SGCZ: variants seen among roughly 807,000 people sequenced by gnomAD.
SGCZ encodes the protein sarcoglycan zeta.
SGCZ carries 40 observed loss-of-function variants against 41.3 expected under a neutral mutation model. That is an observed-to-expected ratio of 0.97 (90% confidence interval 0.75 to 1.26). The LOEUF is 1.26. SGCZ is among the 50% of genes most tolerant of loss of function. The pLI is 0.00. For missense variants in SGCZ, 552 were observed against 369.8 expected, an observed-to-expected ratio of 1.49 and a Z score of -4.04; for synonymous variants, 206 against 137.5, an observed-to-expected ratio of 1.50 and a Z score of -3.49.
chr8:14,534,284 A>T (rs1803227686), intron 2 of SGCZ, among the ~76,000 whole-genome samples: 1 of 151,982 alleles, frequency 6.6e-6, no homozygotes, highest in Non-Finnish European at 1.5e-5. Context: ...AGAAGGGCTC[A>T]TTGGTGTTCA....
At chr8:14,231,181 G>GTC (rs1002483657) in intron 4 of SGCZ, among the ~76,000 whole-genome samples, 1 of 150,534 alleles carries the variant, frequency 6.6e-6, no homozygotes, top group East Asian at 2.0e-4. Flanking sequence ...GTGTGTGTGT[G>GTC]TGTGTGTGTG....
intron 1 of SGCZ, among the ~76,000 whole-genome samples, chr8:15,130,846 C>A (rs1271719635): frequency 6.6e-6 from 1 of 152,144 alleles, no homozygotes; most frequent in Non-Finnish European, 1.5e-5. Context: ...GACAAAATCA[C>A]TACAAAATCT....
chr8:15,211,673 A>C (rs1439701392), intron 1 of SGCZ, among the ~76,000 whole-genome samples: 2 of 152,000 alleles, frequency 1.3e-5, no homozygotes, highest in South Asian at 2.1e-4. Flanking sequence ...AGTTCTCTAG[A>C]TCCTATTATC....
At chr8:14,696,806 C>G (rs556338240) in intron 1 of SGCZ, among the ~76,000 whole-genome samples, 2 of 151,254 alleles carry the variant, frequency 1.3e-5, no homozygotes, top group Non-Finnish European at 3.0e-5. Context: ...TGGAATACAC[C>G]TTTAAAGTCC....
At chr8:14,914,526 C>T (rs1799369744) in intron 1 of SGCZ, among the ~76,000 whole-genome samples, 1 of 145,222 alleles carries the variant, frequency 6.9e-6, no homozygotes, top group Non-Finnish European at 1.5e-5. Context: ...AGGTAAGAGA[C>T]AGTGAAAAAA....
At chr8:14,614,921 A>G (rs1806048030) in intron 1 of SGCZ, among the ~76,000 whole-genome samples, 2 of 152,150 alleles carry the variant, frequency 1.3e-5, no homozygotes, top group African/African-American at 4.8e-5. Flanking sequence ...TTATATGTAT[A>G]TTTTATCACT....
chr8:14,197,641 G>A (rs57717719), intron 4 of SGCZ, among the ~76,000 whole-genome samples: 9,061 of 151,846 alleles, frequency 0.06, 362 homozygotes, highest in East Asian at 0.11. Context: ...TAATAAATTG[G>A]GAATGAAAAG....
rs141075527 is a variant in SGCZ, at chr8:14,996,376, G to A, written c.39+241209C>T. ...AGGGGTGATGACAATGAAAGTTGTT[G>A]TAGCAGCCTGATGATATTTTATTTT... On this transcript the variant is annotated intron_variant, in intron 1 of 7. Transcript: ENST00000382080. Among the ~76,000 whole-genome samples the A allele has an allele frequency of 3.3e-3, 508 of 152,286 alleles. 1 individual carries two copies. Among genetic ancestry groups the A allele is most frequent in the Non-Finnish European group, 6.1e-3 (417 of 68,018 alleles).
chr8:14,959,636 C>T lies in SGCZ; in HGVS notation c.39+277949G>A, dbSNP rs138527699. 4.3e-3 allele frequency among the ~76,000 whole-genome samples: 656 copies of T among 152,240 alleles called. 6 individuals carry two copies. Among genetic ancestry groups the T allele is most frequent in the South Asian group, 0.017 (84 of 4,822 alleles). On this transcript the variant is annotated intron_variant, in intron 1 of 7. Coordinates refer to ENST00000382080, the MANE Select transcript of SGCZ (RefSeq NM_139167.4). ...AACAGCAGAAAGCACTGTCATTGAA[C>T]ACTGAAGCTTATTTTACACACATAT...
chr8:14,994,680 T>C (rs1802153411), intron 1 of SGCZ, among the ~76,000 whole-genome samples: 1 of 152,006 alleles, frequency 6.6e-6, no homozygotes. Flanking sequence ...GTATACTCAC[T>C]ACATTCACAG....
intron 1 of SGCZ, among the ~76,000 whole-genome samples, chr8:14,941,570 C>T (rs892296133): frequency 1.3e-5 from 2 of 151,956 alleles, no homozygotes; most frequent in South Asian, 2.1e-4. Flanking sequence ...GATTTACATA[C>T]ATATACATTT....
At chr8:14,304,352 G>C (rs1801285110) in intron 3 of SGCZ, among the ~76,000 whole-genome samples, 1 of 151,960 alleles carries the variant, frequency 6.6e-6, no homozygotes, top group Non-Finnish European at 1.5e-5. Context: ...CCATCACTTT[G>C]GGATGCTGAG....
chr8:15,160,820 C>T (rs1296167607), intron 1 of SGCZ, among the ~76,000 whole-genome samples: 1 of 152,158 alleles, frequency 6.6e-6, no homozygotes, highest in East Asian at 1.9e-4. Context: ...AGGCACATGC[C>T]ACCGTCTATG....
At chr8:14,255,078 C>T (rs1031483421) in intron 3 of SGCZ, among the ~76,000 whole-genome samples, 1 of 152,082 alleles carries the variant, frequency 6.6e-6, no homozygotes, top group African/African-American at 2.4e-5. Context: ...GTATTAGTTC[C>T]AGATAATTCT....
At chr8:14,825,710 T>C (rs1361389314) in intron 1 of SGCZ, among the ~76,000 whole-genome samples, 1 of 152,158 alleles carries the variant, frequency 6.6e-6, no homozygotes, top group Admixed American at 6.5e-5. Context: ...CTCCCATTCT[T>C]CCTACCCTCC....
At chr8:14,311,227 C>A (rs894057443) in intron 3 of SGCZ, among the ~76,000 whole-genome samples, 1 of 152,010 alleles carries the variant, frequency 6.6e-6, no homozygotes, top group Non-Finnish European at 1.5e-5. Context: ...AAAATATTGT[C>A]ACTAGTAATT....
intron 1 of SGCZ, among the ~76,000 whole-genome samples, chr8:14,875,418 A>G (rs1333313589): frequency 1.3e-5 from 2 of 152,144 alleles, no homozygotes; most frequent in African/African-American, 2.4e-5. Flanking sequence ...ATACATTCAA[A>G]CCATAGCAGA....
chr8:14,887,165 A>T (rs1236066160), intron 1 of SGCZ, among the ~76,000 whole-genome samples: 1 of 152,198 alleles, frequency 6.6e-6, no homozygotes, highest in Non-Finnish European at 1.5e-5. Context: ...ACAAGTCTGG[A>T]TTCAAAGGAG....
chr8:14,767,561 C>G (rs1209555897), intron 1 of SGCZ, among the ~76,000 whole-genome samples: 6 of 152,134 alleles, frequency 3.9e-5, no homozygotes, highest in Non-Finnish European at 8.8e-5. Flanking sequence ...TGCCTAGTTG[C>G]AGTGAGATGA....
Sources: allele counts gnomAD v4.1 joint callset (sites outside exome capture counted in the v4.1 genomes callset), GRCh38; gene constraint gnomAD v4.1.1; transcripts MANE v1.5; gene names NCBI Gene and HGNC (gene_info 2026-07-23, HGNC 2026-07-21).